The following ZFAND3 variants were observed in gnomAD, a reference collection of about 807,000 sequenced individuals.
ZFAND3 encodes the protein AN1-type zinc finger protein 3.
Under a neutral mutation model 29.6 loss-of-function variants are expected in ZFAND3, and 10 were observed. The ratio of observed to expected loss-of-function variants is 0.34; its 90% CI spans 0.21 to 0.57. The LOEUF is 0.57. Ranked by LOEUF, ZFAND3 falls within the 20% of genes least tolerant of loss-of-function variation. ZFAND3 has a pLI of 0.86. For synonymous variants in ZFAND3, 128 were observed against 112.6 expected, an observed-to-expected ratio of 1.14 and a Z score of -0.87; for missense variants, 230 against 304.5, an observed-to-expected ratio of 0.76 and a Z score of 1.82.
rs1322657571 is a variant in ZFAND3, at chr6:37,929,355, G to C, written c.72-604G>C. ...GTATGCGAAATGCCCATCCAAGTTAGTATTCAGTGAATTGTAGCTATTATT... is the reference window on the plus strand; with the variant it reads ...GTATGCGAAATGCCCATCCAAGTTACTATTCAGTGAATTGTAGCTATTATT... On this transcript the variant is annotated intron_variant, in intron 1 of 5. Coordinates refer to ENST00000287218, the MANE Select transcript of ZFAND3 (RefSeq NM_021943.3). Among the ~76,000 whole-genome samples, 4 of 152,142 alleles carry C rather than the reference G, an allele frequency of 2.6e-5. No individual in the cohort carries two copies. In the East Asian group the frequency reaches 7.7e-4, roughly 29 times the overall value.
intron 2 of ZFAND3, among the ~76,000 whole-genome samples, chr6:38,052,205 C>T (rs1017800945): frequency 2.0e-5 from 3 of 152,090 alleles, no homozygotes; most frequent in Non-Finnish European, 2.9e-5. Flanking sequence ...ATTTGCCTCT[C>T]GTAAAAATCT....
chr6:37,839,670 AC>A (rs1764035799), intron 1 of ZFAND3, among the ~76,000 whole-genome samples: 1 of 150,884 alleles, frequency 6.6e-6, no homozygotes, highest in African/African-American at 2.4e-5. Context: ...GTGTGCCATT[AC>A]ACCTGGGTAA....
intron 2 of ZFAND3, among the ~76,000 whole-genome samples, chr6:37,955,073 C>T (rs911323934): frequency 1.3e-5 from 2 of 152,062 alleles, no homozygotes; most frequent in Non-Finnish European, 2.9e-5. Flanking sequence ...TGTTCTGTCT[C>T]TTCCAGTACT....
rs547715739 is a variant in ZFAND3 at position 37,832,378 on chromosome 6, A to G, written c.71+12362A>G. The stretch of plus-strand genomic sequence containing the variant: ...GGGTGTAGAAGTTCTTTCACTTACA[A>G]ACTCTAGATATGAAAGGTCATTTGT... On this transcript the variant is annotated intron_variant, in intron 1 of 5. Coordinates refer to ENST00000287218, the MANE Select transcript of ZFAND3 (RefSeq NM_021943.3). Among the ~76,000 whole-genome samples, 11 of 152,306 alleles carry G rather than the reference A, an allele frequency of 7.2e-5. 1 individual carries two copies. The highest frequency in any genetic ancestry group is 1.0e-4 in the Non-Finnish European group (7 of 68,018).
chr6:38,147,914 TTTACCTG>T (rs1302049368), intron 5 of ZFAND3, among the ~76,000 whole-genome samples: 1 of 152,220 alleles, frequency 6.6e-6, no homozygotes, highest in African/African-American at 2.4e-5. Flanking sequence ...AGGTTTTCTC[TTTACCTG>T]TTTGATTATT....
intron 2 of ZFAND3, among the ~76,000 whole-genome samples, chr6:37,934,859 A>G (rs1378780254): frequency 6.7e-6 from 1 of 149,648 alleles, no homozygotes; most frequent in East Asian, 1.9e-4. Flanking sequence ...AAAAAAAAAA[A>G]AAAAAGCAAA....
chr6:38,079,367 T>C (rs1484707338), intron 3 of ZFAND3, among the ~76,000 whole-genome samples: 2 of 152,330 alleles, frequency 1.3e-5, no homozygotes, highest in East Asian at 3.9e-4. Context: ...ACAAGCTCTC[T>C]GGAGAACACC....
intron 1 of ZFAND3, among the ~76,000 whole-genome samples, chr6:37,916,383 G>A (rs954538287): frequency 4.6e-5 from 7 of 152,090 alleles, no homozygotes; most frequent in Non-Finnish European, 1.0e-4. Context: ...ATGCCAGCCG[G>A]GCACGGTGGC....
intron 1 of ZFAND3, among the ~76,000 whole-genome samples, chr6:37,907,782 A>G (rs1765436024): frequency 6.6e-6 from 1 of 152,190 alleles, no homozygotes; most frequent in African/African-American, 2.4e-5. Context: ...GCAAACACCT[A>G]TTTACTCTTC....
At chr6:38,087,208 A>G (rs1764774499) in intron 4 of ZFAND3, among the ~76,000 whole-genome samples, 1 of 152,232 alleles carries the variant, frequency 6.6e-6, no homozygotes, top group Non-Finnish European at 1.5e-5. Context: ...TTAAAGACTT[A>G]AATCTGAAAC....
intron 2 of ZFAND3, among the ~76,000 whole-genome samples, chr6:37,947,073 C>G (rs1561943111): frequency 6.6e-6 from 1 of 152,122 alleles, no homozygotes; most frequent in African/African-American, 2.4e-5. Context: ...TTATGTGCAC[C>G]TAACCCCAGT....
chr6:38,035,437 T>A (rs1354340611), intron 2 of ZFAND3, among the ~76,000 whole-genome samples: 2 of 152,200 alleles, frequency 1.3e-5, no homozygotes, highest in Admixed American at 1.3e-4. Flanking sequence ...ATATAATAAT[T>A]GTGTATTTTA....
chr6:38,153,335 T>G lies in ZFAND3; in HGVS notation c.*946T>G. 1.0e-6 allele frequency: 1 copy of G among 985,474 alleles called. No individual in the cohort carries two copies. The highest frequency in any genetic ancestry group is 1.2e-6 in the Non-Finnish European group (1 of 829,946). The allele number at this position is 985,474 out of a possible 1,614,324, so 61.0% of individuals were successfully genotyped here. A position where few individuals can be genotyped will look rare whatever the true frequency, so the allele number is the denominator to read the frequency against. ...TGCTGGGAGCAGCAGCTGGGGAAGC[T>G]GCCGCCCACGGGCTCTGCCCCTTCC... On this transcript the variant is annotated 3_prime_UTR_variant, in exon 6 of 6. Coordinates refer to ENST00000287218, the MANE Select transcript of ZFAND3 (RefSeq NM_021943.3).
chr6:37,891,420 C>CCCA (rs1765097629), intron 1 of ZFAND3, among the ~76,000 whole-genome samples: 1 of 141,888 alleles, frequency 7.0e-6, no homozygotes, highest in African/African-American at 2.8e-5. Flanking sequence ...TTTCAGTCCC[C>CCCA]CCCCCCGCCT....
intron 1 of ZFAND3, among the ~76,000 whole-genome samples, chr6:37,834,769 C>CATATATGCATATATCATGCATATATAATG (rs1763933879): frequency 7.0e-6 from 1 of 143,282 alleles, no homozygotes; most frequent in Non-Finnish European, 1.5e-5. Context: ...GATATATGCT[C>CATATATGCATATATCATGCATATATAATG]ATATATGCAT....
intron 4 of ZFAND3, among the ~76,000 whole-genome samples, chr6:38,087,568 GCAAA>G (rs1764780803): frequency 6.6e-6 from 1 of 152,112 alleles, no homozygotes; most frequent in African/African-American, 2.4e-5. Context: ...CCTATGAATG[GCAAA>G]CAGACATATA....
At chr6:38,110,554 C>T (rs1765295135) in intron 4 of ZFAND3, among the ~76,000 whole-genome samples, 1 of 152,058 alleles carries the variant, frequency 6.6e-6, no homozygotes, top group Non-Finnish European at 1.5e-5. Flanking sequence ...GAAGGAGAAA[C>T]AGCAGTGATG....
At chr6:37,846,836 C>T (rs564728070) in intron 1 of ZFAND3, among the ~76,000 whole-genome samples, 14 of 151,974 alleles carry the variant, frequency 9.2e-5, no homozygotes, top group South Asian at 2.1e-4. Context: ...CTTAGCCTCC[C>T]GAGTAGCTGG....
chr6:37,848,244 A>G (rs1368920499), intron 1 of ZFAND3, among the ~76,000 whole-genome samples: 1 of 152,246 alleles, frequency 6.6e-6, no homozygotes, highest in African/African-American at 2.4e-5. Flanking sequence ...GAGTTTGACT[A>G]GTCCATTGTA....
Sources: gnomAD v4.1 joint callset for allele counts (sites outside exome capture counted in the v4.1 genomes callset) on GRCh38, gnomAD v4.1.1 for gene constraint, MANE v1.5 for transcripts, NCBI Gene and HGNC (gene_info 2026-07-23, HGNC 2026-07-21) for gene names.